Variants in SLC6A16 observed in about 807,000 individuals in gnomAD.
The protein encoded by SLC6A16 is orphan sodium- and chloride-dependent neurotransmitter transporter NTT5.
A neutral mutation model predicts 65.4 loss-of-function variants in SLC6A16; 54 were observed. The ratio of observed to expected loss-of-function variants is 0.83; its 90% confidence interval spans 0.66 to 1.04. The LOEUF is 1.04. Among genes scored for constraint, SLC6A16 ranks in the 50% least tolerant of loss-of-function variants. SLC6A16 has a pLI of 0.00. For missense variants in SLC6A16, 816 were observed against 914.0 expected (o/e 0.89, Z 1.38); for synonymous variants, 330 against 346.5 (o/e 0.95, Z 0.53).
intron 7 of SLC6A16, chr19:49,305,796 CAAG>C (rs1180045664): frequency 5.3e-5 from 8 of 152,074 alleles, no homozygotes; most frequent in Admixed American, 5.2e-4. Flanking sequence ...ATTTGTTACC[CAAG>C]AATAGACAAC....
At chr19:49,307,552 C>T (rs1425513115) in intron 7 of SLC6A16, among the ~76,000 whole-genome samples, 3 of 151,762 alleles carry the variant, frequency 2.0e-5, no homozygotes, top group Admixed American at 6.6e-5. Context: ...TAGGAGAGGT[C>T]GGGCGCGGTG....
Position 49,290,372 on chromosome 19 carries a change from T to C in SLC6A16, c.1962A>G (p.Pro654=). 2.5e-6 allele frequency: 4 copies of C among 1,613,476 alleles called. No homozygotes were observed. The highest frequency in any genetic ancestry group is 3.4e-6 in the Non-Finnish European group (4 of 1,179,628). The part of the protein sequence containing the change: ...DSSTSKEVLR[P]YPPWALLLMI... The stretch of plus-strand genomic sequence containing the variant: ...TCAAGAGCAGTGCCCACGGTGGGTA[T>C]GGTCGAAGCACCTCTTTTGACTGTG... Residue 654 remains proline, a synonymous_variant, in exon 12 of 12, where the codon CCA becomes CCG. Transcript: ENST00000335875.
chr19:49,335,794 GGGCT>G, the SLC6A16 span: 1 of 1,609,082 alleles, frequency 6.2e-7, no homozygotes, highest in East Asian at 2.2e-5. The surrounding 1 kb of genome is among the most constrained non-coding windows in gnomAD (Gnocchi z 4.6). Flanking sequence ...TGGGTGAGGG[GGGCT>G]GGGGCAGGTG....
intron 1 of SLC6A16, among the ~76,000 whole-genome samples, chr19:49,317,971 CA>C (rs1346618191): frequency 1.3e-5 from 2 of 152,126 alleles, no homozygotes; most frequent in Non-Finnish European, 2.9e-5. Context: ...AGGAAGAATA[CA>C]AACAGAGCCT....
In SLC6A16 at chr19:49,309,326, C is replaced by A. The variant is rs1647848181; in HGVS notation, c.962G>T (p.Gly321Val). ...CTTGGCAACCACCAACTGTTGAAGG[C>A]CAAATTTTGCCCCTTCCAGGAGTAG... Reference protein sequence around the residue: ...RTLLLEGAKFGLQQLVVAKIS... With the variant: ...RTLLLEGAKFVLQQLVVAKIS... The change falls in exon 6 of 12, where the codon GGC (glycine) becomes GTC (valine). Residue 321 changes from glycine (G) to valine (V), a missense_variant. Physicochemically the swap from Gly to Val is moderately radical, Grantham distance 109. Coordinates refer to ENST00000335875, the MANE Select transcript of SLC6A16 (RefSeq NM_014037.3). The A allele has an allele frequency of 6.2e-7, 1 of 1,613,828 alleles. No homozygotes were observed. The highest frequency in any genetic ancestry group is 8.5e-7 in the Non-Finnish European group (1 of 1,179,884).
At chr19:49,339,345 C>T in the SLC6A16 span, 8 of 1,613,988 alleles carry the variant, frequency 5.0e-6, no homozygotes, top group Non-Finnish European at 6.8e-6. This position sits in a 1 kb window ranked among gnomAD's most constrained non-coding sequence, Gnocchi z 4.5. Context: ...CGCGCAGGGC[C>T]TCCAGAAGTG....
the SLC6A16 span, chr19:49,338,553 C>G: frequency 1.5e-5 from 10 of 658,414 alleles, no homozygotes; most frequent in Non-Finnish European, 2.5e-5. This position sits in a 1 kb window ranked among gnomAD's most constrained non-coding sequence, Gnocchi z 5.0. Flanking sequence ...CCGGCCCCAT[C>G]GTGACCCCAG....
intron 7 of SLC6A16, among the ~76,000 whole-genome samples, chr19:49,307,261 C>T (rs961897595): frequency 1.3e-5 from 2 of 151,714 alleles, no homozygotes; most frequent in Middle Eastern, 3.4e-3. Flanking sequence ...TACCATTACA[C>T]TCCCACCAGA....
chr19:49,319,130 T>A (rs1970664389), intron 1 of SLC6A16, among the ~76,000 whole-genome samples: 1 of 150,736 alleles, frequency 6.6e-6, no homozygotes, highest in South Asian at 2.1e-4. Context: ...GATATAGCAA[T>A]AGAAACAATC....
upstream of SLC6A16, among the ~76,000 whole-genome samples, chr19:49,329,622 CTTTTTTT>C (rs71180620): frequency 2.9e-3 from 202 of 70,772 alleles, 1 homozygote; most frequent in African/African-American, 0.012. Context: ...AAGGCCTTGT[CTTTTTTT>C]TTTTTTTTTT....
rs1555776025 is a variant in SLC6A16 at position 49,307,728 on chromosome 19, A to AAAAAAAG, written c.1229+1147_1229+1148insCTTTTTT. ...GAGAGGAAGAGGAGGAGGAAGCAAAAAAAAAGAAAAAGAAAAAAAAGAAAA... is the reference window on the plus strand; with the variant it reads ...GAGAGGAAGAGGAGGAGGAAGCAAAAAAAAAAGAAAAAGAAAAAGAAAAAAAAGAAAA... On this transcript the variant is annotated intron_variant, in intron 7 of 11. Transcript: ENST00000335875. 5.1e-4 allele frequency among the ~76,000 whole-genome samples: 73 copies of AAAAAAAG among 143,872 alleles called. 5 individuals carry two copies. Among genetic ancestry groups the AAAAAAAG allele is most frequent in the African/African-American group, 1.8e-3 (65 of 36,236 alleles). The allele number at this position is 143,872 out of a possible 152,430, so 94.4% of individuals were successfully genotyped here.
the SLC6A16 span, chr19:49,339,008 G>C: frequency 2.4e-6 from 3 of 1,227,366 alleles, no homozygotes; most frequent in Non-Finnish European, 3.5e-6. The surrounding 1 kb of genome is among the most constrained non-coding windows in gnomAD (Gnocchi z 4.5). Flanking sequence ...CTGTCAGTGA[G>C]TAGCGGCCTG....
chr19:49,336,039 C>T, the SLC6A16 span: 3 of 534,814 alleles, frequency 5.6e-6, no homozygotes, highest in South Asian at 5.2e-5. Context: ...GGTCAGATGC[C>T]CCCACAAACC....
chr19:49,294,579 C>T (rs181709357), intron 7 of SLC6A16, 26 bp from the exon 8 acceptor site: 79 of 1,565,434 alleles, frequency 5.0e-5, no homozygotes, highest in African/African-American at 2.6e-4. Context: ...TGAATCAAAT[C>T]GAACCATTTG....
chr19:49,313,239 T>C (rs1165329463), intron 1 of SLC6A16, among the ~76,000 whole-genome samples: 3 of 152,160 alleles, frequency 2.0e-5, no homozygotes, highest in African/African-American at 7.2e-5. Context: ...CACAGTTCAC[T>C]GCAGCCTTGA....
chr19:49,310,129 T>C lies in SLC6A16; in HGVS notation c.611A>G (p.Asn204Ser), dbSNP rs751316257. 1.9e-6 allele frequency: 3 copies of C among 1,613,962 alleles called. No individual in the cohort carries two copies. Among genetic ancestry groups the C allele is most frequent in the African/African-American group, 1.3e-5 (1 of 74,894 alleles). The change falls in exon 4 of 12, where the codon AAT (asparagine) becomes AGT (serine). Residue 204 changes from asparagine (N) to serine (S), a missense_variant. Physicochemically the swap from Asn to Ser is conservative, Grantham distance 46. Coordinates refer to ENST00000335875, the MANE Select transcript of SLC6A16 (RefSeq NM_014037.3). ...FILGLYFNVVNSWIIFYMSQS... is the reference protein window; with the variant it reads ...FILGLYFNVVSSWIIFYMSQS... ...GCTCATGTAGAAGATGATCCAGGAA[T>C]TGACCACATTGAAGTACAGGCCGAG...
the SLC6A16 span, chr19:49,335,500 C>A: frequency 1.4e-6 from 2 of 1,456,434 alleles, no homozygotes; most frequent in Non-Finnish European, 1.9e-6. This position sits in a 1 kb window ranked among gnomAD's most constrained non-coding sequence, Gnocchi z 4.6. Context: ...GTCAGCACCT[C>A]TTCTGTGTGG....
chr19:49,293,496 G>T, intron 9 of SLC6A16, 114 bp from the exon 10 acceptor site: 1 of 982,560 alleles, frequency 1.0e-6, no homozygotes, highest in Non-Finnish European at 1.5e-6. Flanking sequence ...CGGGCGAGGG[G>T]GCTTACATGT....
At chr19:49,293,060 A>C in intron 10 of SLC6A16, 163 bp downstream of exon 10, 1 of 613,784 alleles carries the variant, frequency 1.6e-6, no homozygotes. Context: ...CAGCACCCAA[A>C]ATATATGTGA....
Sources: gnomAD v4.1 joint callset for allele counts (sites outside exome capture counted in the v4.1 genomes callset) on GRCh38, gnomAD v4.1.1 for gene constraint, Gnocchi (gnomAD v3.1) non-coding constraint, MANE v1.5 for transcripts, NCBI Gene and HGNC (gene_info 2026-07-23, HGNC 2026-07-21) for gene names.